The following NSMCE1 variants were observed in gnomAD, a reference collection of about 807,000 sequenced individuals.
The protein encoded by NSMCE1 is NSE1 component of SMC5/6 complex.
A neutral mutation model predicts 29.6 loss-of-function variants in NSMCE1; 18 were observed. That is an observed-to-expected ratio of 0.61 (90% CI 0.42 to 0.90). The LOEUF is 0.90. Among genes scored for constraint, NSMCE1 ranks in the 40% least tolerant of loss-of-function variants. NSMCE1 has a pLI of 0.00. For synonymous variants in NSMCE1, 124 were observed against 133.4 expected, an observed-to-expected ratio of 0.93 and a Z score of 0.49; for missense variants, 314 against 343.6, an observed-to-expected ratio of 0.91 and a Z score of 0.68.
intron 1 of NSMCE1, among the ~76,000 whole-genome samples, 173 bp from the exon 2 acceptor site, chr16:27,257,754 GGGCAGTGGTAAGAGGTGT>G (rs952870930): frequency 4.2e-4 from 64 of 152,196 alleles, no homozygotes; most frequent in Non-Finnish European, 1.0e-4. Context: ...CATCAGGACT[GGGCAGTGGTAAGAGGTGT>G]GGATTCTGGA....
chr16:27,247,450 C>A (rs570051977), intron 2 of NSMCE1, among the ~76,000 whole-genome samples: 4 of 152,098 alleles, frequency 2.6e-5, no homozygotes, highest in Non-Finnish European at 4.4e-5. Context: ...TATAAATTAC[C>A]CAGTTTTGGG....
In NSMCE1 at chr16:27,233,754, G is replaced by A. The variant is rs533401291; in HGVS notation, c.336+434C>T. On this transcript the variant is annotated intron_variant, in intron 4 of 7. Transcript: ENST00000361439. ...TGGTAGAACAGTACCTGTCAAATGT[G>A]CACGTGCAAAGGATTCAGTGGGCAC... Among the ~76,000 whole-genome samples the A allele has an allele frequency of 9.3e-4, 142 of 152,364 alleles. 1 individual carries two copies. The highest frequency in any genetic ancestry group is 1.2e-3 in the Non-Finnish European group (83 of 68,038).
chr16:27,231,183 C>T (rs1275774186), intron 5 of NSMCE1, among the ~76,000 whole-genome samples: 2 of 152,236 alleles, frequency 1.3e-5, no homozygotes, highest in Non-Finnish European at 2.9e-5. Flanking sequence ...CAGATATTTC[C>T]TGTAACATTT....
chr16:27,236,517 G>A (rs189837451), intron 2 of NSMCE1, among the ~76,000 whole-genome samples: 7 of 151,962 alleles, frequency 4.6e-5, no homozygotes, highest in African/African-American at 1.7e-4. Context: ...GGCTGGTCTC[G>A]ATCTCCTGAC....
chr16:27,260,533 G>T (rs2084142863), intron 1 of NSMCE1, among the ~76,000 whole-genome samples: 1 of 152,094 alleles, frequency 6.6e-6, no homozygotes, highest in Non-Finnish European at 1.5e-5. Context: ...TAGACTAAAT[G>T]TTCCAGCTTA....
At chr16:27,230,557 G>A (rs2083751963) in intron 5 of NSMCE1, 2 of 152,538 alleles carry the variant, frequency 1.3e-5, no homozygotes, top group East Asian at 1.9e-4. Flanking sequence ...TCCTGCAGAT[G>A]AGGAAACAGT....
At chr16:27,265,289 C>A (rs578236647) in intron 1 of NSMCE1, among the ~76,000 whole-genome samples, 129 of 147,842 alleles carry the variant, frequency 8.7e-4, no homozygotes, top group African/African-American at 3.1e-3. Flanking sequence ...GACCTCAGAA[C>A]CCCCTAGCAG....
chr16:27,241,576 T>C (rs977110034), intron 2 of NSMCE1: 1 of 183,874 alleles, frequency 5.4e-6, no homozygotes, highest in Non-Finnish European at 1.2e-5. Context: ...GTAGCTCTCA[T>C]CTTTCCCCCA....
chr16:27,237,194 G>A (rs1478114020), intron 2 of NSMCE1, among the ~76,000 whole-genome samples: 1 of 152,234 alleles, frequency 6.6e-6, no homozygotes, highest in Non-Finnish European at 1.5e-5. Flanking sequence ...GTAAGTGGGT[G>A]GAACATGGAT....
Position 27,232,850 on chromosome 16 carries a change from A to G in NSMCE1, c.483+151T>C. On this transcript the variant is annotated intron_variant, in intron 5 of 7. Transcript: ENST00000361439. This position sits in a 1 kb window ranked among gnomAD's most constrained non-coding sequence, Gnocchi z 4.5. ...GAGGAGTGAGGCCCAAGTCCTCCCCACGGGGTCACTGCTGGAATGCATGAA... is the reference window on the plus strand; with the variant it reads ...GAGGAGTGAGGCCCAAGTCCTCCCCGCGGGGTCACTGCTGGAATGCATGAA... 1.4e-6 allele frequency: 1 copy of G among 732,426 alleles called. No individual in the cohort carries two copies. The highest frequency in any genetic ancestry group is 2.2e-6 in the Non-Finnish European group (1 of 450,174). 45.4% of individuals were successfully genotyped at this position (732,426 alleles called of 1,614,324 possible).
intron 2 of NSMCE1, among the ~76,000 whole-genome samples, chr16:27,236,129 C>T (rs542777583): frequency 6.6e-6 from 1 of 152,158 alleles, no homozygotes; most frequent in African/African-American, 2.4e-5. Flanking sequence ...GGCACCCACA[C>T]TATTGCCGGG....
At chr16:27,234,023 A>G in intron 4 of NSMCE1, 165 bp downstream of exon 4, 1 of 594,732 alleles carries the variant, frequency 1.7e-6, no homozygotes. Context: ...TGAGTTCCAG[A>G]TGGGTAGACA....
intron 2 of NSMCE1, chr16:27,241,478 C>T (rs2083893157): frequency 1.2e-5 from 2 of 173,452 alleles, no homozygotes; most frequent in African/African-American, 4.8e-5. Context: ...AGAGAGCAGA[C>T]CCTGGGCTGG....
intron 5 of NSMCE1, among the ~76,000 whole-genome samples, chr16:27,228,323 C>T (rs1019865068): frequency 3.9e-5 from 6 of 152,214 alleles, no homozygotes; most frequent in South Asian, 2.1e-4. Context: ...TGCCCTGCAC[C>T]GCAGCTGTTG....
At position 27,225,234 on chromosome 16, in the gene NSMCE1, CTT is replaced by C. The variant is rs2083675718; in HGVS notation, c.722_723del (p.Lys241SerfsTer5). On this transcript the variant is annotated frameshift_variant and splice_region_variant, in exon 8 of 8. Transcript: ENST00000361439. LOFTEE classifies it high-confidence loss of function. ...TCCCTCTCCTTCTCAGGGTCGAAGACTTCTGTAGACAGAAAAGGCAGGAAAGA... is the reference window on the plus strand; with the variant it reads ...TCCCTCTCCTTCTCAGGGTCGAAGACCTGTAGACAGAAAAGGCAGGAAAGA... ...CNDYWPHEIPKVFDPEKERES... is the reference protein window; with the variant it reads ...CNDYWPHEIPXVFDPEKERES... 1 of 1,594,150 alleles carries C rather than the reference CTT, an allele frequency of 6.3e-7. No homozygotes were observed. The highest frequency in any genetic ancestry group is 2.2e-5 in the East Asian group (1 of 44,730).
chr16:27,261,966 A>G (rs2084162456), intron 1 of NSMCE1, among the ~76,000 whole-genome samples: 1 of 152,202 alleles, frequency 6.6e-6, no homozygotes, highest in African/African-American at 2.4e-5. Context: ...CACAGGGCCG[A>G]GCGCGGTGGC....
chr16:27,250,272 A>G (rs749089012), intron 2 of NSMCE1, among the ~76,000 whole-genome samples: 1 of 152,152 alleles, frequency 6.6e-6, no homozygotes, highest in South Asian at 2.1e-4. Flanking sequence ...GCCTCAGTAC[A>G]CTAGCTAGAA....
intron 5 of NSMCE1, among the ~76,000 whole-genome samples, chr16:27,227,678 G>A (rs1245053018): frequency 1.3e-5 from 2 of 152,098 alleles, no homozygotes; most frequent in Non-Finnish European, 1.5e-5. Context: ...AGGAGATGAC[G>A]TCACTGACGC....
intron 1 of NSMCE1, chr16:27,266,600 G>A (rs1454157652): frequency 6.6e-6 from 1 of 151,452 alleles, no homozygotes; most frequent in Non-Finnish European, 1.5e-5. Flanking sequence ...CTGGGCGACA[G>A]GGCGAGACTC....
Sources: gnomAD v4.1 joint callset for allele counts (sites outside exome capture counted in the v4.1 genomes callset) on GRCh38, gnomAD v4.1.1 for gene constraint, Gnocchi (gnomAD v3.1) non-coding constraint, MANE v1.5 for transcripts, NCBI Gene and HGNC (gene_info 2026-07-23, HGNC 2026-07-21) for gene names.